The following NRG1 variants were observed in gnomAD, a reference collection of about 807,000 sequenced individuals.
NRG1 encodes the protein neuregulin 1, also known as pro-neuregulin-1, membrane-bound isoform.
NRG1 carries 18 observed loss-of-function variants against 63.8 expected under a neutral mutation model. The observed-to-expected ratio is 0.28, with a 90% CI of 0.19 to 0.42. The LOEUF (loss-of-function observed/expected upper bound fraction) is 0.42. NRG1 is among the 10% of genes least tolerant of loss of function. The pLI is 1.00. For synonymous variants in NRG1, 302 were observed against 301.3 expected, an observed-to-expected ratio of 1.00 and a Z score of -0.02; for missense variants, 762 against 814.7, an observed-to-expected ratio of 0.94 and a Z score of 0.79.
intron 1 of NRG1, among the ~76,000 whole-genome samples, chr8:32,069,895 G>T (rs1825499524): frequency 6.6e-6 from 1 of 152,174 alleles, no homozygotes; most frequent in South Asian, 2.1e-4. Context: ...TCCTAGCAGT[G>T]TGGCGTGCCC....
intron 1 of NRG1, among the ~76,000 whole-genome samples, chr8:32,414,414 T>G (rs1815567392): frequency 6.6e-6 from 1 of 152,242 alleles, no homozygotes; most frequent in African/African-American, 2.4e-5. Flanking sequence ...TCTCCCTTTT[T>G]CTTGCCATTT....
chr8:31,894,948 C>A (rs932256168), intron 1 of NRG1, among the ~76,000 whole-genome samples: 58 of 152,200 alleles, frequency 3.8e-4, no homozygotes, highest in African/African-American at 1.4e-3. Context: ...TTAAAAACAT[C>A]TCTGAGGACT....
intron 1 of NRG1, among the ~76,000 whole-genome samples, chr8:32,038,984 A>G (rs1351868106): frequency 6.6e-6 from 1 of 152,136 alleles, no homozygotes; most frequent in African/African-American, 2.4e-5. Flanking sequence ...AAAATGTTCA[A>G]TGTCATTACA....
intron 1 of NRG1, among the ~76,000 whole-genome samples, chr8:32,162,756 C>G (rs1838976885): frequency 6.6e-6 from 1 of 152,050 alleles, no homozygotes; most frequent in Admixed American, 6.5e-5. Context: ...CAAATTTGTG[C>G]TATCTACTGC....
intron 1 of NRG1, chr8:32,171,455 T>G (rs1000262437): frequency 3.9e-5 from 6 of 152,290 alleles, no homozygotes; most frequent in African/African-American, 1.4e-4. Context: ...CATTTCCAAC[T>G]GAGGTACTGG....
intron 1 of NRG1, among the ~76,000 whole-genome samples, chr8:32,589,389 G>A (rs1284618266): frequency 1.3e-5 from 2 of 152,218 alleles, no homozygotes; most frequent in Non-Finnish European, 2.9e-5. Context: ...GTATTCGTGT[G>A]GCTTTCATTA....
At chr8:32,197,045 C>T (rs1342511585) in intron 1 of NRG1, among the ~76,000 whole-genome samples, 5 of 142,544 alleles carry the variant, frequency 3.5e-5, no homozygotes, top group East Asian at 2.1e-4. Flanking sequence ...CTGCAACCTT[C>T]GCCTCCCGGG....
chr8:31,866,202 C>A (rs1316174835), intron 1 of NRG1, among the ~76,000 whole-genome samples: 1 of 152,174 alleles, frequency 6.6e-6, no homozygotes, highest in Non-Finnish European at 1.5e-5. Flanking sequence ...AGTATCATGA[C>A]TTTCATGGTT....
intron 1 of NRG1, among the ~76,000 whole-genome samples, chr8:32,019,107 GT>G (rs567649356): frequency 2.0e-5 from 3 of 150,976 alleles, no homozygotes; most frequent in African/African-American, 7.3e-5. Flanking sequence ...GAGGAGTTCT[GT>G]TTTTTTTTGA....
At chr8:31,979,857 T>C (rs531548905) in intron 1 of NRG1, among the ~76,000 whole-genome samples, 1 of 152,206 alleles carries the variant, frequency 6.6e-6, no homozygotes, top group African/African-American at 2.4e-5. Flanking sequence ...AAGCATTCTA[T>C]TCAAAATGTT....
chr8:32,736,125 AG>A (rs1824992789), intron 6 of NRG1, among the ~76,000 whole-genome samples: 1 of 152,232 alleles, frequency 6.6e-6, no homozygotes, highest in Non-Finnish European at 1.5e-5. Context: ...ATGATGTTAA[AG>A]AAGGCATTCC....
rs557217776 is a variant in NRG1, at chr8:32,207,649, C to A, written c.38-388179C>A. Among the ~76,000 whole-genome samples the A allele has an allele frequency of 1.1e-4, 17 of 152,238 alleles. No homozygotes were observed. The South Asian group carries it at 3.5e-3, about 32-fold the overall frequency. On this transcript the variant is annotated intron_variant, in intron 1 of 10. Coordinates refer to the NRG1 transcript ENST00000519301. ...ATCATAACAGCATATGGGGAGCCTT[C>A]CTGTAGTACCAGTGGGCTATTTCCG...
intron 1 of NRG1, among the ~76,000 whole-genome samples, chr8:31,770,129 G>A (rs185547315): frequency 3.3e-5 from 5 of 152,274 alleles, no homozygotes; most frequent in African/African-American, 9.6e-5. Flanking sequence ...GGCTTGGCAG[G>A]TAGGTTGGGG....
At chr8:32,149,910 G>C (rs1259861515) in intron 1 of NRG1, among the ~76,000 whole-genome samples, 2 of 152,112 alleles carry the variant, frequency 1.3e-5, no homozygotes, top group Admixed American at 6.5e-5. Flanking sequence ...CTAAATAAAA[G>C]GATCAATCAA....
intron 1 of NRG1, among the ~76,000 whole-genome samples, chr8:32,321,206 T>C (rs530668630): frequency 6.6e-5 from 10 of 152,112 alleles, no homozygotes; most frequent in Non-Finnish European, 1.3e-4. Context: ...CACTAGTCAA[T>C]TTCAAAATTA....
intron 1 of NRG1, among the ~76,000 whole-genome samples, chr8:32,500,341 A>C (rs1488124627): frequency 1.3e-5 from 2 of 152,192 alleles, no homozygotes; most frequent in African/African-American, 4.8e-5. Context: ...TGAGGACTCT[A>C]AAACATTCTG....
At chr8:32,508,708 T>G (rs1828832340) in intron 1 of NRG1, among the ~76,000 whole-genome samples, 1 of 152,158 alleles carries the variant, frequency 6.6e-6, no homozygotes, top group African/African-American at 2.4e-5. Context: ...TTGTATATAC[T>G]TTGTGGTTTT....
At chr8:32,448,002 A>C (rs1370263776) in intron 1 of NRG1, among the ~76,000 whole-genome samples, 1 of 152,212 alleles carries the variant, frequency 6.6e-6, no homozygotes, top group Admixed American at 6.5e-5. Flanking sequence ...CATTAACTTT[A>C]GTAGAACATT....
intron 1 of NRG1, among the ~76,000 whole-genome samples, chr8:31,958,931 A>C (rs1311204071): frequency 2.0e-5 from 3 of 152,300 alleles, no homozygotes; most frequent in Admixed American, 1.3e-4. Context: ...TCTGTGGGAC[A>C]ACAGGATTTC....
Sources: allele counts gnomAD v4.1 joint callset (sites outside exome capture counted in the v4.1 genomes callset), GRCh38; gene constraint gnomAD v4.1.1; transcripts MANE v1.5; gene names NCBI Gene and HGNC (gene_info 2026-07-23, HGNC 2026-07-21).